The following MEI1 variants were observed in gnomAD, a reference collection of about 807,000 sequenced individuals.
MEI1 encodes the protein meiosis inhibitor protein 1.
In MEI1, 103 loss-of-function variants were observed where a neutral mutation model predicts 146.2. The ratio of observed to expected loss-of-function variants is 0.70; its 90% CI spans 0.60 to 0.83. The LOEUF is 0.83. Among genes scored for constraint, MEI1 ranks in the 40% least tolerant of loss-of-function variants. The probability of loss-of-function intolerance (pLI) is 0.00; values close to 1 mark genes in which losing one functional copy is unlikely to be tolerated. For synonymous variants in MEI1, 652 were observed against 628.2 expected, an observed-to-expected ratio of 1.04 and a Z score of -0.57; for missense variants, 1,529 against 1,533.0, an observed-to-expected ratio of 1.00 and a Z score of 0.04.
chr22:41,792,770 C>T (rs938363352), intron 26 of MEI1, among the ~76,000 whole-genome samples: 1 of 152,162 alleles, frequency 6.6e-6, no homozygotes, highest in Non-Finnish European at 1.5e-5. Context: ...CTCCTCAACA[C>T]TTGGTGTTGT....
intron 6 of MEI1, chr22:41,722,218 C>T (rs926024110): frequency 2.6e-5 from 4 of 151,818 alleles, no homozygotes; most frequent in African/African-American, 9.7e-5. Flanking sequence ...ACCCTTGAAG[C>T]ACCAAGGGTC....
chr22:41,730,651 G>T lies in MEI1; in HGVS notation c.1096+14G>T. ...ACACGGTGTATGGTTGGTAGTAAGG[G>T]TCCTGTACTAGCTTTGGGTTGGGTG... On this transcript the variant is annotated intron_variant, in intron 9 of 30. Transcript: ENST00000401548. 1 of 1,577,408 alleles carries T rather than the reference G, an allele frequency of 6.3e-7. No individual in the cohort carries two copies. Among genetic ancestry groups the T allele is most frequent in the South Asian group, 1.1e-5 (1 of 90,340 alleles).
chr22:41,765,017 T>C (rs2074748962), intron 19 of MEI1, among the ~76,000 whole-genome samples: 1 of 152,210 alleles, frequency 6.6e-6, no homozygotes, highest in South Asian at 2.1e-4. Flanking sequence ...TTCTAATAAT[T>C]GAACAACCAA....
chr22:41,784,274 G>C (rs777826867), intron 24 of MEI1, 65 bp from the exon 25 acceptor site: 1 of 1,427,410 alleles, frequency 7.0e-7, no homozygotes, highest in Admixed American at 1.7e-5. Flanking sequence ...AGATTTTCAG[G>C]CAGGTTATTT....
At position 41,781,582 on chromosome 22, in the gene MEI1, C is replaced by A. The variant is rs1602130035; in HGVS notation, c.2927-103C>A. ...ACCCTTAGAGCCTCAGGATGATCCT[C>A]TGTTTGTTTGTGAAGCCCCAATCAG... On this transcript the variant is annotated intron_variant, in intron 23 of 30. Coordinates refer to ENST00000401548, the MANE Select transcript of MEI1 (RefSeq NM_152513.4). The A allele has an allele frequency of 2.9e-6, 4 of 1,387,914 alleles. No homozygotes were observed. In the East Asian group the frequency reaches 9.8e-5, roughly 34 times the overall value. The allele number at this position is 1,387,914 out of a possible 1,614,324, so 86.0% of individuals were successfully genotyped here.
chr22:41,785,170 C>G (rs893329173), intron 26 of MEI1, among the ~76,000 whole-genome samples: 40 of 151,612 alleles, frequency 2.6e-4, no homozygotes, highest in African/African-American at 9.0e-4. Context: ...CTCTTGACCT[C>G]GTGATCCGCC....
rs776006107 is a variant in MEI1, at chr22:41,776,112, A to T, written c.2555A>T (p.Tyr852Phe). The T allele has an allele frequency of 1.9e-6, 3 of 1,613,810 alleles. No homozygotes were observed. The highest frequency in any genetic ancestry group is 2.5e-6 in the Non-Finnish European group (3 of 1,179,834). Residue 852 changes from tyrosine to phenylalanine, a missense_variant, in exon 21 of 31, where the codon TAT becomes TTT. Around this residue, in one of 3 missense-constraint regions of MEI1, gnomAD observed 1,212 missense variants for 1,178.9 expected, o/e 1.03. Coordinates refer to ENST00000401548, the MANE Select transcript of MEI1 (RefSeq NM_152513.4). ...SILLILLDLI[Y>F]SSPVDTAHKV... ...TTCTCTCCTGCTCAGGACCTCATCT[A>T]TTCCAGCCCAGTGGACACAGCTCAC...
At chr22:41,722,162 C>G (rs1368436530) in intron 6 of MEI1, 4 of 151,806 alleles carry the variant, frequency 2.6e-5, no homozygotes, top group Admixed American at 2.6e-4. Flanking sequence ...GGAGCCTTTC[C>G]TTCCCACCCT....
rs9607839 is a variant in MEI1 at position 41,786,131 on chromosome 22, C to T, written c.3345+1348C>T. Among the ~76,000 whole-genome samples the T allele has an allele frequency of 7.6e-3, 1,136 of 150,334 alleles. 5 individuals carry two copies. The highest frequency in any genetic ancestry group is 0.012 in the Non-Finnish European group (806 of 67,420). ...TTCACCGTGTTAGCCAGGATGGTCT[C>T]GATCTCCTGACCTCGTGATCCGCCC... On this transcript the variant is annotated intron_variant, in intron 26 of 30. Coordinates refer to ENST00000401548, the MANE Select transcript of MEI1 (RefSeq NM_152513.4).
intron 26 of MEI1, among the ~76,000 whole-genome samples, chr22:41,788,634 T>C (rs991962372): frequency 6.6e-6 from 1 of 151,518 alleles, no homozygotes; most frequent in African/African-American, 2.4e-5. Context: ...AGAGACAGGG[T>C]TTCACCATGT....
intron 4 of MEI1, among the ~76,000 whole-genome samples, chr22:41,715,394 A>G (rs2147334934): frequency 6.6e-6 from 1 of 151,978 alleles, no homozygotes; most frequent in South Asian, 2.1e-4. Context: ...TATGATAACA[A>G]TAATTTTTTT....
intron 6 of MEI1, among the ~76,000 whole-genome samples, chr22:41,722,852 A>G (rs1221806720): frequency 6.6e-6 from 1 of 152,152 alleles, no homozygotes; most frequent in Admixed American, 6.6e-5. Context: ...TGTTTGTTAA[A>G]GTATGTATTA....
chr22:41,700,785 G>A (rs1421656597), intron 1 of MEI1, among the ~76,000 whole-genome samples: 1 of 140,348 alleles, frequency 7.1e-6, no homozygotes, highest in Non-Finnish European at 1.5e-5. Flanking sequence ...TGTAGAAACG[G>A]TCCCGGGGGT....
rs188943268 is a variant in MEI1 at position 41,728,117 on chromosome 22, C to G, written c.865-1548C>G. Among the ~76,000 whole-genome samples the G allele has an allele frequency of 2.5e-3, 378 of 152,304 alleles. 7 individuals are homozygous for G. Among genetic ancestry groups the G allele is most frequent in the Non-Finnish European group, 6.2e-4 (42 of 68,026 alleles). ...CCCTGTTCATATGCCAGTTTCACATCTAGTGAATACTGCATTTTCCATCAG... is the reference window on the plus strand; with the variant it reads ...CCCTGTTCATATGCCAGTTTCACATGTAGTGAATACTGCATTTTCCATCAG... On this transcript the variant is annotated intron_variant, in intron 7 of 30. Coordinates refer to ENST00000401548, the MANE Select transcript of MEI1 (RefSeq NM_152513.4).
intron 15 of MEI1, among the ~76,000 whole-genome samples, chr22:41,750,191 T>C (rs542487798): frequency 3.0e-4 from 46 of 152,014 alleles, no homozygotes; most frequent in Non-Finnish European, 2.9e-5. Context: ...AAGTTGAGGG[T>C]GTAAAATGAA....
chr22:41,765,463 A>C (rs2074786545), intron 19 of MEI1, among the ~76,000 whole-genome samples: 1 of 152,206 alleles, frequency 6.6e-6, no homozygotes, highest in African/African-American at 2.4e-5. Flanking sequence ...CCTGGGTGAC[A>C]GAGTAAGACG....
chr22:41,757,493 G>C (rs1383970205), intron 17 of MEI1, among the ~76,000 whole-genome samples: 1 of 152,118 alleles, frequency 6.6e-6, no homozygotes, highest in African/African-American at 2.4e-5. Flanking sequence ...AAGTAGCTGG[G>C]ATTACAGGCG....
At chr22:41,787,234 A>T (rs902373373) in intron 26 of MEI1, among the ~76,000 whole-genome samples, 2 of 152,186 alleles carry the variant, frequency 1.3e-5, no homozygotes, top group Non-Finnish European at 2.9e-5. Context: ...CATAAGCTTT[A>T]TTGCTGGTAA....
intron 3 of MEI1, among the ~76,000 whole-genome samples, chr22:41,708,979 C>T (rs1204513822): frequency 1.3e-5 from 2 of 152,190 alleles, no homozygotes; most frequent in Non-Finnish European, 2.9e-5. Context: ...AATCCCTCCT[C>T]CTGGGAGCCA....
Sources: gnomAD v4.1 joint callset for allele counts (sites outside exome capture counted in the v4.1 genomes callset) on GRCh38, gnomAD v4.1.1 for gene constraint, gnomAD v4.1.1 regional missense constraint, MANE v1.5 for transcripts, NCBI Gene and HGNC (gene_info 2026-07-23, HGNC 2026-07-21) for gene names.